Variants in SLC15A3 observed in about 807,000 individuals in gnomAD.
SLC15A3 encodes the protein osteoclast transporter.
SLC15A3 carries 39 observed loss-of-function variants against 49.2 expected under a neutral mutation model. The observed-to-expected ratio is 0.79, with a 90% CI of 0.61 to 1.04. The LOEUF is 1.04. Among genes scored for constraint, SLC15A3 ranks in the 50% least tolerant of loss-of-function variants. The pLI is 0.00. For missense variants in SLC15A3, 758 were observed against 794.8 expected (o/e 0.95, Z 0.56); for synonymous variants, 339 against 367.0 (o/e 0.92, Z 0.87).
chr11:60,939,880 C>G, intron 5 of SLC15A3: 1 of 516,850 alleles, frequency 1.9e-6, no homozygotes. Flanking sequence ...ACTAACAACT[C>G]TCATTAATGG....
chr11:60,947,602 CG>C (rs527292748), intron 1 of SLC15A3, among the ~76,000 whole-genome samples: 100 of 152,294 alleles, frequency 6.6e-4, no homozygotes, highest in African/African-American at 2.3e-3. Context: ...CTCTGCAGTT[CG>C]GAGAGGCAAG....
chr11:60,937,559 C>T, intron 7 of SLC15A3, 186 bp from the exon 8 acceptor site: 4 of 805,056 alleles, frequency 5.0e-6, no homozygotes, highest in Non-Finnish European at 8.2e-6. Context: ...TCTACAATTC[C>T]TCTTCAGCTA....
chr11:60,939,980 T>A (rs1856687386), intron 5 of SLC15A3: 1 of 247,048 alleles, frequency 4.0e-6, no homozygotes, highest in African/African-American at 2.2e-5. Flanking sequence ...AACTAGAAAG[T>A]TAAGCAACTA....
At chr11:60,942,474 G>A in intron 3 of SLC15A3, 1 of 238,332 alleles carries the variant, frequency 4.2e-6, no homozygotes, top group Non-Finnish European at 8.4e-6. Context: ...AAAGATAATG[G>A]CTGCCCCCAC....
Position 60,941,235 on chromosome 11 carries a change from G to A in SLC15A3, c.1163C>T (p.Pro388Leu). The A allele has an allele frequency of 1.2e-6, 2 of 1,614,154 alleles. No homozygotes were observed. The highest frequency in any genetic ancestry group is 1.7e-6 in the Non-Finnish European group (2 of 1,180,022). ...AGGGTCGATCAAGCGGTCCTTCAGA[G>A]GGACCAGAATCAGCACCACCACAAC... is the stretch of plus-strand genomic sequence containing the variant. ...ANVVVVLILV[P>L]LKDRLIDPLL... Residue 388 changes from proline (P) to leucine (L), a missense_variant, in exon 5 of 8, where the codon CCT becomes CTT. Pro to Leu is a moderately conservative substitution (Grantham distance 98). Around this residue, in one of 3 missense-constraint regions of SLC15A3, gnomAD observed 699 missense variants for 706.7 expected, o/e 0.99. Transcript: ENST00000227880.
chr11:60,945,816 T>C (rs534486167), intron 2 of SLC15A3, among the ~76,000 whole-genome samples: 2 of 152,282 alleles, frequency 1.3e-5, no homozygotes, highest in South Asian at 4.1e-4. Context: ...TGTGGAATTA[T>C]TTACATTGTA....
chr11:60,944,386 T>C (rs1439236473), intron 2 of SLC15A3, among the ~76,000 whole-genome samples: 1 of 152,182 alleles, frequency 6.6e-6, no homozygotes, highest in Non-Finnish European at 1.5e-5. Context: ...GTAAGGTGAC[T>C]GCTGTCAGCA....
intron 3 of SLC15A3, 178 bp downstream of exon 3, chr11:60,943,511 T>C (rs542773): frequency 0.25 from 132,743 of 528,800 alleles, 19,441 homozygotes; most frequent in Middle Eastern, 0.34. Context: ...CCGAGGGAGT[T>C]GGATTGCTGA....
chr11:60,945,618 G>C (rs1397196556), intron 2 of SLC15A3, among the ~76,000 whole-genome samples: 1 of 152,156 alleles, frequency 6.6e-6, no homozygotes, highest in Non-Finnish European at 1.5e-5. Flanking sequence ...GCTGTAACTG[G>C]CTGCAAGGTC....
rs1187730650 is a variant in SLC15A3 at position 60,942,071 on chromosome 11, G to A, written c.1071C>T (p.Ile357=). The A allele has an allele frequency of 6.2e-7, 1 of 1,614,176 alleles. No individual in the cohort carries two copies. ...TGCCCTGGGCTCTCAGGGCCACAGA[G>A]ATGTTGGCCGGGTTGGCTGGGAAAA... ...PNIFPANPAN[I]SVALRAQGSS... Residue 357 remains isoleucine, a synonymous_variant, in exon 4 of 8, where the codon ATC becomes ATT. Transcript: ENST00000227880.
rs116895190 is a variant in SLC15A3, at chr11:60,939,041, T to C, written c.1435+439A>G. Among the ~76,000 whole-genome samples, 158 of 152,240 alleles carry C rather than the reference T, an allele frequency of 1.0e-3. 5 individuals are homozygous for C. The East Asian group carries it at 0.027, about 26-fold the overall frequency. ...GGGAGCGAAGGACATAGAAATCCATTACTATGACCCAGAGTACTGTGTGCT... is the reference window on the plus strand; with the variant it reads ...GGGAGCGAAGGACATAGAAATCCATCACTATGACCCAGAGTACTGTGTGCT... On this transcript the variant is annotated intron_variant, in intron 6 of 7. Transcript: ENST00000227880.
chr11:60,943,773 T>TAA lies in SLC15A3; in HGVS notation c.911_912insTT (p.Gln304HisfsTer2). Reference sequence around the variant, plus strand: ...GCACCTGGAAGTTGGCGATGTCCTCTTGCGGGGAAGCCCCTGGCTGGGGAG... The same window carrying TAA: ...GCACCTGGAAGTTGGCGATGTCCTCTAATGCGGGGAAGCCCCTGGCTGGGGAG... On this transcript the variant is annotated frameshift_variant, in exon 3 of 8. Transcript: ENST00000227880. LOFTEE classifies it high-confidence loss of function. 6.2e-7 allele frequency: 1 copy of TAA among 1,605,354 alleles called. No individual in the cohort carries two copies. The highest frequency in any genetic ancestry group is 1.7e-5 in the Admixed American group (1 of 58,992).
rs2134948066 is a variant in SLC15A3 at position 60,951,839 on chromosome 11, T to G, written c.-288A>C. On this transcript the variant is annotated 5_prime_UTR_variant, in exon 1 of 8. Transcript: ENST00000227880. ...CCTCCCCGCGCCTCTCCTGCAGCTG[T>G]TTCTCCCTAACTCTCCCCTCTCCTC... 3.7e-5 allele frequency: 6 copies of G among 164,184 alleles called. No homozygotes were observed. In the East Asian group the frequency reaches 5.2e-4, roughly 14 times the overall value. The allele number at this position is 164,184 out of a possible 1,614,324, so 10.2% of individuals were successfully genotyped here.
chr11:60,937,454 G>C, intron 7 of SLC15A3, 81 bp from the exon 8 acceptor site: 1 of 1,581,268 alleles, frequency 6.3e-7, no homozygotes, highest in Non-Finnish European at 8.6e-7. Context: ...CCTAGCCCTG[G>C]GGCTGGCAAC....
intron 5 of SLC15A3, 106 bp downstream of exon 5, chr11:60,941,016 G>A: frequency 7.7e-7 from 1 of 1,298,408 alleles, no homozygotes; most frequent in Non-Finnish European, 1.0e-6. Flanking sequence ...CGCCCACTGG[G>A]AGAGGCTGAA....
In SLC15A3 at chr11:60,945,989, C is replaced by CT. The variant is rs555880957; in HGVS notation, c.848+542dup. Among the ~76,000 whole-genome samples, 5 of 151,886 alleles carry CT rather than the reference C, an allele frequency of 3.3e-5. No individual in the cohort carries two copies. The South Asian group carries it at 8.4e-4, about 25-fold the overall frequency. On this transcript the variant is annotated intron_variant, in intron 2 of 7. Transcript: ENST00000227880. Reference sequence around the variant, plus strand: ...AAGACCCTGATCATCCTCACACTTCCTTTTTTTTCATTTTTCTTTTTTTAT... The same window carrying CT: ...AAGACCCTGATCATCCTCACACTTCCTTTTTTTTTCATTTTTCTTTTTTTAT...
intron 3 of SLC15A3, 143 bp downstream of exon 3, chr11:60,943,546 C>A (rs546618812): frequency 2.3e-6 from 2 of 875,722 alleles, no homozygotes; most frequent in South Asian, 4.9e-5. Flanking sequence ...AGGCCCCATG[C>A]TAGCTGGTAC....
chr11:60,949,532 G>GAA lies in SLC15A3; in HGVS notation c.558+1460_558+1461dup, dbSNP rs775671617. Among the ~76,000 whole-genome samples the GAA allele has an allele frequency of 1.8e-3, 137 of 77,236 alleles. 1 individual carries two copies. Among genetic ancestry groups the GAA allele is most frequent in the Non-Finnish European group, 4.1e-3 (116 of 28,238 alleles). 50.7% of individuals were successfully genotyped at this position (77,236 alleles called of 152,430 possible). A position where few individuals can be genotyped will look rare whatever the true frequency, so the allele number is the denominator to read the frequency against. On this transcript the variant is annotated intron_variant, in intron 1 of 7. Coordinates refer to ENST00000227880, the MANE Select transcript of SLC15A3 (RefSeq NM_016582.3). ...AGAAAGAAAGAAAGAAAGAAAGAAA[G>GAA]AAAGAAAGAAAGAAAGAAAGAAAGA...
chr11:60,941,542 A>G, intron 4 of SLC15A3: 2 of 448,264 alleles, frequency 4.5e-6, no homozygotes, highest in Non-Finnish European at 7.9e-6. Flanking sequence ...CTCAGCATAA[A>G]AAAAGTCATG....
Sources: gnomAD v4.1 joint callset for allele counts (sites outside exome capture counted in the v4.1 genomes callset) on GRCh38, gnomAD v4.1.1 for gene constraint, gnomAD v4.1.1 regional missense constraint, MANE v1.5 for transcripts, NCBI Gene and HGNC (gene_info 2026-07-23, HGNC 2026-07-21) for gene names.